SLC24A4: variants seen among roughly 807,000 people sequenced by gnomAD.
SLC24A4 encodes sodium/potassium/calcium exchanger 4.
Under a neutral mutation model 79.0 loss-of-function variants are expected in SLC24A4, and 53 were observed. The ratio of observed to expected loss-of-function variants is 0.67; its 90% CI spans 0.54 to 0.84. The LOEUF is 0.84. Ranked by LOEUF, SLC24A4 falls within the 40% of genes least tolerant of loss-of-function variation. The pLI is 0.00. For synonymous variants in SLC24A4, 323 were observed against 323.8 expected, an observed-to-expected ratio of 1.00 and a Z score of 0.03; for missense variants, 731 against 822.0, an observed-to-expected ratio of 0.89 and a Z score of 1.35.
At chr14:92,389,984 G>A (rs1354415545) in intron 2 of SLC24A4, among the ~76,000 whole-genome samples, 1 of 152,102 alleles carries the variant, frequency 6.6e-6, no homozygotes, top group Non-Finnish European at 1.5e-5. Context: ...GCTCAGTTCT[G>A]ATGCCAGCCG....
Position 92,492,195 on chromosome 14 carries a change from G to T in SLC24A4, c.1671G>T (p.Gly557=), listed in dbSNP as rs141392743. Reference sequence around the variant, plus strand: ...TCCAGGTGAAGATCAACAGCCGGGGGCTGGTCTATTCCGTGGTCCTGTTGC... The same window carrying T: ...TCCAGGTGAAGATCAACAGCCGGGGTCTGGTCTATTCCGTGGTCCTGTTGC... ...YGSTVKINSR[G]LVYSVVLLLG... Residue 557 remains glycine, a synonymous_variant, in exon 16 of 17, where the codon GGG becomes GGT. Coordinates refer to ENST00000532405, the MANE Select transcript of SLC24A4 (RefSeq NM_153646.4). The T allele has an allele frequency of 1.8e-4, 293 of 1,614,152 alleles. No individual in the cohort carries two copies. In the African/African-American group the frequency reaches 3.7e-3, roughly 20 times the overall value.
At chr14:92,329,904 A>C (rs1243062287) in intron 2 of SLC24A4, among the ~76,000 whole-genome samples, 2 of 152,260 alleles carry the variant, frequency 1.3e-5, no homozygotes, top group Non-Finnish European at 2.9e-5. Flanking sequence ...TTGTGGCCAG[A>C]AGAGCTGTTC....
At chr14:92,393,373 G>A (rs112328326) in intron 2 of SLC24A4, among the ~76,000 whole-genome samples, 18 of 152,250 alleles carry the variant, frequency 1.2e-4, no homozygotes, top group Non-Finnish European at 1.9e-4. Context: ...CAGTTGCTGC[G>A]TGGAGGTCCT....
intron 2 of SLC24A4, among the ~76,000 whole-genome samples, chr14:92,346,721 G>A (rs769672898): frequency 6.6e-6 from 1 of 152,162 alleles, no homozygotes; most frequent in Non-Finnish European, 1.5e-5. Context: ...GCTCATTAGG[G>A]TGACCTGGGC....
At chr14:92,361,787 G>A (rs556821198) in intron 2 of SLC24A4, among the ~76,000 whole-genome samples, 4 of 152,210 alleles carry the variant, frequency 2.6e-5, no homozygotes, top group South Asian at 2.1e-4. Flanking sequence ...TGTGGGGTCC[G>A]ATGATGCACT....
chr14:92,400,378 G>A (rs1057255669), intron 2 of SLC24A4, among the ~76,000 whole-genome samples: 9 of 147,962 alleles, frequency 6.1e-5, no homozygotes, highest in African/African-American at 2.3e-4. Flanking sequence ...GGCAGAGGTT[G>A]CAGTGAGCCG....
chr14:92,362,858 G>A (rs1021708096), intron 2 of SLC24A4, among the ~76,000 whole-genome samples: 4 of 152,314 alleles, frequency 2.6e-5, no homozygotes, highest in African/African-American at 2.4e-5. Flanking sequence ...AGCTCCGGGC[G>A]GGATCAGGCA....
intron 13 of SLC24A4, among the ~76,000 whole-genome samples, chr14:92,486,217 A>G (rs887870171): frequency 6.6e-5 from 10 of 152,206 alleles, no homozygotes; most frequent in African/African-American, 2.2e-4. Flanking sequence ...TTTCCCCAGA[A>G]CACTTGTGCA....
rs371934776 is a variant in SLC24A4 at position 92,482,832 on chromosome 14, A to G, written c.1408A>G (p.Ile470Val). The change falls in exon 13 of 17, where the codon ATC becomes GTC. Residue 470 changes from isoleucine to valine, a missense_variant. Physicochemically the swap from Ile to Val is conservative, Grantham distance 29. Transcript: ENST00000532405. ...ATLWIAVFSY[I>V]MVWLVTIIGY... Reference sequence around the variant, plus strand: ...GCTGTGGATCGCTGTGTTCTCCTACATCATGGTGTGGCTGGTGAGTGGGGG... The same window carrying G: ...GCTGTGGATCGCTGTGTTCTCCTACGTCATGGTGTGGCTGGTGAGTGGGGG... 1.9e-6 allele frequency: 3 copies of G among 1,612,064 alleles called. No homozygotes were observed. The African/African-American group carries it at 4.0e-5, about 22-fold the overall frequency.
chr14:92,453,600 T>C (rs951401679), intron 10 of SLC24A4: 1 of 300,320 alleles, frequency 3.3e-6, no homozygotes, highest in African/African-American at 2.2e-5. Context: ...GAAAGACCCT[T>C]GTAATTAGCC....
chr14:92,343,756 G>A (rs1886368901), intron 2 of SLC24A4, among the ~76,000 whole-genome samples: 3 of 147,906 alleles, frequency 2.0e-5, no homozygotes, highest in Non-Finnish European at 4.4e-5. Context: ...AGACTGGAGT[G>A]CAGTGGCACG....
intron 13 of SLC24A4, chr14:92,484,429 C>T: frequency 1.0e-6 from 1 of 985,362 alleles, no homozygotes; most frequent in Non-Finnish European, 1.2e-6. Context: ...TCCCTTTCTT[C>T]TGGTACCTGC....
intron 13 of SLC24A4, 138 bp from the exon 14 acceptor site, chr14:92,486,528 G>A (rs187159725): frequency 4.5e-5 from 28 of 625,158 alleles, no homozygotes; most frequent in East Asian, 1.1e-4. Context: ...GTTTTGTTTT[G>A]TTTTGTTTTA....
rs7158400 is a variant in SLC24A4, at chr14:92,456,369, T to C, written c.1051-35T>C. On this transcript the variant is annotated intron_variant, in intron 11 of 16. Coordinates refer to ENST00000532405, the MANE Select transcript of SLC24A4 (RefSeq NM_153646.4). ...AGCAATAGCATGATGCTTTATCACA[T>C]GCCTTGGTGTCCATGTTGCCTCCTG... 1,198,831 of 1,609,240 alleles carry C rather than the reference T, an allele frequency of 0.74. 448,658 individuals are homozygous for C. Among genetic ancestry groups the C allele is most frequent in the African/African-American group, 0.89 (66,498 of 74,956 alleles).
chr14:92,474,071 T>C (rs1894581651), intron 12 of SLC24A4, among the ~76,000 whole-genome samples: 1 of 152,224 alleles, frequency 6.6e-6, no homozygotes, highest in Admixed American at 6.5e-5. Flanking sequence ...CTGGGTTCTC[T>C]AACTTTTCCA....
chr14:92,475,381 C>G (rs1894708387), intron 12 of SLC24A4, among the ~76,000 whole-genome samples: 6 of 152,230 alleles, frequency 3.9e-5, no homozygotes, highest in Admixed American at 3.9e-4. Context: ...ATGGTCCACA[C>G]TGGTGCAGAA....
chr14:92,426,763 G>T (rs907338774), intron 2 of SLC24A4, among the ~76,000 whole-genome samples: 2 of 151,946 alleles, frequency 1.3e-5, no homozygotes, highest in Non-Finnish European at 2.9e-5. Context: ...TTGGTGGGGC[G>T]GGGGGGAATG....
At position 92,494,975 on chromosome 14, in the gene SLC24A4, TAG is replaced by T. The variant is rs1347427091; in HGVS notation, c.*1352_*1353del. The T allele has an allele frequency of 6.5e-6, 1 of 152,672 alleles. No homozygotes were observed. The highest frequency in any genetic ancestry group is 1.5e-5 in the Non-Finnish European group (1 of 68,042). The allele number at this position is 152,672 out of a possible 1,614,324, so 9.5% of individuals were successfully genotyped here. ...TAAAAAGAAAGCACAATTAATTTTA[TAG>T]AGAGGTTTTTTATTTTTTTAATATT... On this transcript the variant is annotated 3_prime_UTR_variant, in exon 17 of 17. Coordinates refer to ENST00000532405, the MANE Select transcript of SLC24A4 (RefSeq NM_153646.4). This position sits in a 1 kb window ranked among gnomAD's most constrained non-coding sequence, Gnocchi z 4.6.
rs573464375 is a variant in SLC24A4, at chr14:92,442,908, C to T, written c.582+92C>T. The T allele has an allele frequency of 3.1e-4, 323 of 1,050,988 alleles. 1 individual carries two copies. The highest frequency in any genetic ancestry group is 1.7e-4 in the Non-Finnish European group (116 of 685,168). The allele number at this position is 1,050,988 out of a possible 1,614,324, so 65.1% of individuals were successfully genotyped here. ...CAAGAGGTTGGGGTAGCAGTGGGGA[C>T]GCCCACAGGACAGCTGAGCTGGATT... On this transcript the variant is annotated intron_variant, in intron 6 of 16. Coordinates refer to ENST00000532405, the MANE Select transcript of SLC24A4 (RefSeq NM_153646.4).
Sources: allele counts gnomAD v4.1 joint callset (sites outside exome capture counted in the v4.1 genomes callset), GRCh38; gene constraint gnomAD v4.1.1; non-coding constraint Gnocchi (gnomAD v3.1); transcripts MANE v1.5; gene names NCBI Gene and HGNC (gene_info 2026-07-23, HGNC 2026-07-21).